BRINP3: variants seen among roughly 807,000 people sequenced by gnomAD.
BRINP3 encodes the protein BMP/retinoic acid-inducible neural-specific protein 3.
In BRINP3, 19 loss-of-function variants were observed where a neutral mutation model predicts 71.0. The observed-to-expected ratio is 0.27, with a 90% CI of 0.19 to 0.39. BRINP3 has a LOEUF of 0.39. Ranked by LOEUF, BRINP3 falls within the 10% of genes least tolerant of loss-of-function variation. BRINP3 has a pLI of 1.00. For missense variants in BRINP3, 959 were observed against 940.8 expected (o/e 1.02, Z -0.25); for synonymous variants, 380 against 337.7 (o/e 1.13, Z -1.37).
intron 2 of BRINP3, among the ~76,000 whole-genome samples, chr1:190,332,956 T>A (rs1262783646): frequency 6.6e-6 from 1 of 151,922 alleles, no homozygotes; most frequent in Non-Finnish European, 1.5e-5. Context: ...TTTTTAAGCT[T>A]TATTTCACAT....
chr1:190,258,818 T>G (rs12093349), intron 4 of BRINP3, among the ~76,000 whole-genome samples: 21,593 of 152,086 alleles, frequency 0.14, 2,027 homozygotes, highest in South Asian at 0.27. Flanking sequence ...TGATAAATGT[T>G]TGGAGGAGCC....
At chr1:190,245,640 A>T (rs1204174388) in intron 4 of BRINP3, among the ~76,000 whole-genome samples, 2 of 151,998 alleles carry the variant, frequency 1.3e-5, no homozygotes, top group Non-Finnish European at 2.9e-5. Flanking sequence ...TTTAGGGTAC[A>T]TGTGCACAAC....
At chr1:190,246,686 G>A (rs1009472200) in intron 4 of BRINP3, among the ~76,000 whole-genome samples, 2 of 152,040 alleles carry the variant, frequency 1.3e-5, no homozygotes, top group African/African-American at 2.4e-5. Flanking sequence ...TTGGCTTTCT[G>A]CCATGAACTA....
At chr1:190,256,854 C>T (rs1207230184) in intron 4 of BRINP3, among the ~76,000 whole-genome samples, 1 of 152,192 alleles carries the variant, frequency 6.6e-6, no homozygotes, top group African/African-American at 2.4e-5. Context: ...GCAGGTAGAA[C>T]TTCTTTTAGT....
chr1:190,424,396 G>A (rs995584645), intron 2 of BRINP3, among the ~76,000 whole-genome samples: 2 of 151,622 alleles, frequency 1.3e-5, no homozygotes, highest in African/African-American at 2.4e-5. Flanking sequence ...TGTTGACAGA[G>A]GAGCATTTTA....
At chr1:190,244,560 G>C (rs1205252357) in intron 4 of BRINP3, among the ~76,000 whole-genome samples, 1 of 152,052 alleles carries the variant, frequency 6.6e-6, no homozygotes, top group Non-Finnish European at 1.5e-5. Flanking sequence ...TCACCATCCT[G>C]GAAGACGATG....
At chr1:190,380,847 C>A (rs1287689617) in intron 2 of BRINP3, among the ~76,000 whole-genome samples, 1 of 151,994 alleles carries the variant, frequency 6.6e-6, no homozygotes, top group African/African-American at 2.4e-5. Flanking sequence ...ACAAAATTAG[C>A]AAATAAATTA....
intron 7 of BRINP3, among the ~76,000 whole-genome samples, chr1:190,127,769 C>T (rs1225987819): frequency 3.3e-5 from 5 of 151,780 alleles, no homozygotes; most frequent in African/African-American, 1.2e-4. Context: ...CACCCATCAG[C>T]CTGGCTATCT....
intron 3 of BRINP3, among the ~76,000 whole-genome samples, chr1:190,278,973 G>A (rs551182296): frequency 1.3e-5 from 2 of 151,768 alleles, no homozygotes; most frequent in Non-Finnish European, 3.0e-5. Context: ...TTGGAACTAA[G>A]GAACAAGAAT....
chr1:190,349,445 G>A (rs1428832304), intron 2 of BRINP3, among the ~76,000 whole-genome samples: 1 of 152,052 alleles, frequency 6.6e-6, no homozygotes, highest in African/African-American at 2.4e-5. Context: ...AAACCCATAT[G>A]ATAGAGTTCT....
At chr1:190,186,440 C>T (rs1417059757) in intron 6 of BRINP3, among the ~76,000 whole-genome samples, 2 of 151,616 alleles carry the variant, frequency 1.3e-5, no homozygotes, top group Admixed American at 1.3e-4. Context: ...CCTTTTTTTG[C>T]CTAGATCCAG....
At chr1:190,186,991 G>A (rs1001753826) in intron 6 of BRINP3, among the ~76,000 whole-genome samples, 1 of 152,084 alleles carries the variant, frequency 6.6e-6, no homozygotes, top group African/African-American at 2.4e-5. Context: ...ATTAAACTGT[G>A]TGATCTAGAA....
intron 2 of BRINP3, among the ~76,000 whole-genome samples, chr1:190,432,774 A>G (rs987538059): frequency 1.8e-4 from 27 of 152,176 alleles, no homozygotes; most frequent in Admixed American, 1.3e-4. Context: ...AGAACAAACA[A>G]AATAATGGAT....
chr1:190,403,726 G>A (rs1672087173), intron 2 of BRINP3, among the ~76,000 whole-genome samples: 1 of 152,168 alleles, frequency 6.6e-6, no homozygotes, highest in South Asian at 2.1e-4. Flanking sequence ...GTAAAGTATT[G>A]AATATTTTGA....
chr1:190,215,488 A>G (rs1656335087), intron 6 of BRINP3, among the ~76,000 whole-genome samples: 1 of 151,958 alleles, frequency 6.6e-6, no homozygotes, highest in Non-Finnish European at 1.5e-5. Flanking sequence ...CTTTCCATAA[A>G]CTGATGGTCA....
At chr1:190,448,916 G>A (rs550180072) in intron 2 of BRINP3, among the ~76,000 whole-genome samples, 1 of 151,718 alleles carries the variant, frequency 6.6e-6, no homozygotes, top group Non-Finnish European at 1.5e-5. Flanking sequence ...AGTTGTTAAG[G>A]TTGGCAATAA....
At chr1:190,121,097 T>G (rs1022538715) in intron 7 of BRINP3, among the ~76,000 whole-genome samples, 2 of 152,034 alleles carry the variant, frequency 1.3e-5, no homozygotes, top group Admixed American at 6.6e-5. Flanking sequence ...AAATCATGAA[T>G]AAATAAGGCA....
intron 1 of BRINP3, among the ~76,000 whole-genome samples, chr1:190,468,195 C>A (rs765220185): frequency 6.6e-6 from 1 of 151,206 alleles, no homozygotes; most frequent in African/African-American, 2.4e-5. Flanking sequence ...TATAGGAAAG[C>A]ATTTCAAAAT....
At chr1:190,352,545 T>C (rs1328652002) in intron 2 of BRINP3, among the ~76,000 whole-genome samples, 1 of 151,974 alleles carries the variant, frequency 6.6e-6, no homozygotes, top group Admixed American at 6.6e-5. Context: ...AATAGAGAGA[T>C]TGAAGCTCTT....
Sources: allele counts gnomAD v4.1 joint callset (sites outside exome capture counted in the v4.1 genomes callset), GRCh38; gene constraint gnomAD v4.1.1; transcripts MANE v1.5; gene names NCBI Gene and HGNC (gene_info 2026-07-23, HGNC 2026-07-21).